HOXC4: variants seen among roughly 807,000 people sequenced by gnomAD.
The protein encoded by HOXC4 is homeobox C4.
In HOXC4, 15 loss-of-function variants were observed where a neutral mutation model predicts 25.5. The observed-to-expected ratio is 0.59, with a 90% CI of 0.39 to 0.91. The LOEUF is 0.91. Among genes scored for constraint, HOXC4 ranks in the 40% least tolerant of loss-of-function variants. HOXC4 has a pLI of 0.00. For missense variants in HOXC4, 342 were observed against 352.4 expected (o/e 0.97, Z 0.24); for synonymous variants, 165 against 148.0 (o/e 1.11, Z -0.83).
upstream of HOXC4, chr12:54,053,736 A>C: frequency 2.3e-6 from 1 of 443,654 alleles, no homozygotes; most frequent in Non-Finnish European, 4.1e-6. Flanking sequence ...CACCACACAC[A>C]CAAAAAAATT....
In HOXC4 at chr12:54,054,941, C is replaced by T; in HGVS notation, c.531C>T (p.Tyr177=). Residue 177 remains tyrosine, a synonymous_variant, in exon 2 of 2, where the codon TAC becomes TAT. Transcript: ENST00000430889. ...QVLELEKEFH[Y]NRYLTRRRRI... ...TGGAATTAGAGAAAGAGTTTCATTA[C>T]AACCGCTACCTGACCCGAAGGAGAA... 6.2e-7 allele frequency: 1 copy of T among 1,614,094 alleles called. No individual in the cohort carries two copies. Among genetic ancestry groups the T allele is most frequent in the South Asian group, 1.1e-5 (1 of 91,078 alleles).
rs544108362 is a variant in HOXC4, at chr12:54,021,313, C to T, written c.-124+3899C>T. ...TTACTGGATGAACTGCGTTTTAATC[C>T]TCGTCGCTATCTGAGCCAGGACAAG... On this transcript the variant is annotated intron_variant, in intron 1 of 3. Coordinates refer to the HOXC4 transcript ENST00000303406. The T allele has an allele frequency of 3.3e-5, 5 of 152,308 alleles. No homozygotes were observed. The East Asian group carries it at 7.7e-4, about 24-fold the overall frequency. The allele number at this position is 152,308 out of a possible 1,614,324, so 9.4% of individuals were successfully genotyped here.
intron 1 of HOXC4, among the ~76,000 whole-genome samples, chr12:54,018,010 G>A (rs900094291): frequency 2.0e-5 from 3 of 152,214 alleles, no homozygotes; most frequent in Non-Finnish European, 2.9e-5. Context: ...GGCGGCCGGC[G>A]GGGCCTGTTA....
chr12:54,053,700 C>A (rs1217072886), upstream of HOXC4, among the ~76,000 whole-genome samples: 1 of 152,024 alleles, frequency 6.6e-6, no homozygotes, highest in Non-Finnish European at 1.5e-5. Context: ...ACATCACCAC[C>A]CACCCCCGCC....
At chr12:54,036,266 C>T (rs1427674045) in intron 1 of HOXC4, among the ~76,000 whole-genome samples, 1 of 152,106 alleles carries the variant, frequency 6.6e-6, no homozygotes, top group Non-Finnish European at 1.5e-5. Flanking sequence ...TTTCCTCTCC[C>T]ACCTCCCACA....
rs772799117 is a variant in HOXC4 at position 54,034,466 on chromosome 12, A to G, written c.-124+17052A>G. 1.9e-6 allele frequency: 3 copies of G among 1,614,204 alleles called. No individual in the cohort carries two copies. In the South Asian group the frequency reaches 3.3e-5, roughly 18 times the overall value. On this transcript the variant is annotated intron_variant, in intron 1 of 3. Transcript: ENST00000303406. ...CAGGATGAAGTGGAAGAAAGATTCCAAAATGAAAAGCAAAGAGGCTCTTTA... is the reference window on the plus strand; with the variant it reads ...CAGGATGAAGTGGAAGAAAGATTCCGAAATGAAAAGCAAAGAGGCTCTTTA...
chr12:54,036,125 G>A (rs1941180163), intron 1 of HOXC4, among the ~76,000 whole-genome samples: 1 of 152,164 alleles, frequency 6.6e-6, no homozygotes, highest in Non-Finnish European at 1.5e-5. Flanking sequence ...TAAAAGTGGG[G>A]GTGGGAGGAG....
chr12:54,048,858 C>A (rs1937780122), upstream of HOXC4, among the ~76,000 whole-genome samples: 1 of 152,190 alleles, frequency 6.6e-6, no homozygotes, highest in South Asian at 2.1e-4. Flanking sequence ...ATTTCTAGAT[C>A]TTTTCAAGCC....
At chr12:54,019,110 A>C (rs572480978) in intron 1 of HOXC4, among the ~76,000 whole-genome samples, 2 of 98,142 alleles carry the variant, frequency 2.0e-5, no homozygotes, top group South Asian at 7.3e-4. Context: ...CCCCTTTCGC[A>C]GCCATCATAA....
At chr12:54,025,114 G>A (rs1442369882) in intron 1 of HOXC4, among the ~76,000 whole-genome samples, 3 of 152,272 alleles carry the variant, frequency 2.0e-5, no homozygotes, top group South Asian at 2.1e-4. Context: ...GGGGGGTAGT[G>A]TTCTCTGATT....
At chr12:54,046,468 A>T (rs539941075) in intron 1 of HOXC4, among the ~76,000 whole-genome samples, 1 of 152,132 alleles carries the variant, frequency 6.6e-6, no homozygotes, top group Non-Finnish European at 1.5e-5. Flanking sequence ...GGTTGTGGCC[A>T]ACTCAAGTGT....
At chr12:54,035,371 G>C (rs964748781) in intron 1 of HOXC4, 2 of 152,762 alleles carry the variant, frequency 1.3e-5, no homozygotes, top group African/African-American at 4.8e-5. Context: ...AGATGCAGTG[G>C]CTCCTGTCTG....
chr12:54,028,851 G>A, intron 1 of HOXC4: 2 of 1,614,112 alleles, frequency 1.2e-6, no homozygotes, highest in Non-Finnish European at 1.7e-6. Context: ...AGCAGGGCAG[G>A]ACTGCGCCCC....
chr12:54,054,126 C>T lies in HOXC4; in HGVS notation c.204C>T (p.Ser68=). ...PRPSYPERQY[S]CTSLQGPGNS... Reference sequence around the variant, plus strand: ...CTAGCTACCCTGAGCGCCAGTATAGCTGCACCAGTCTCCAGGGGCCCGGCA... The same window carrying T: ...CTAGCTACCCTGAGCGCCAGTATAGTTGCACCAGTCTCCAGGGGCCCGGCA... The change falls in exon 1 of 2, where the codon AGC becomes AGT. Residue 68 remains serine (S), a synonymous_variant. Transcript: ENST00000430889. 1 of 1,614,208 alleles carries T rather than the reference C, an allele frequency of 6.2e-7. No homozygotes were observed.
intron 1 of HOXC4, among the ~76,000 whole-genome samples, chr12:54,044,725 T>TTTTGTG (rs1555186635): frequency 5.4e-5 from 8 of 146,938 alleles, no homozygotes; most frequent in Non-Finnish European, 8.9e-5. Context: ...GTGTGTGTGT[T>TTTTGTG]TGTGTGTGTG....
intron 1 of HOXC4, among the ~76,000 whole-genome samples, chr12:54,048,486 C>G (rs1292605809): frequency 6.6e-6 from 1 of 152,178 alleles, no homozygotes; most frequent in African/African-American, 2.4e-5. Flanking sequence ...TTGGCTCTCT[C>G]CAGTTTACTA....
intron 1 of HOXC4, among the ~76,000 whole-genome samples, chr12:54,037,625 C>G (rs1030739399): frequency 6.6e-6 from 1 of 152,234 alleles, no homozygotes; most frequent in African/African-American, 2.4e-5. Flanking sequence ...CCTCTCCCCC[C>G]TCTCCACCCT....
intron 1 of HOXC4, among the ~76,000 whole-genome samples, chr12:54,025,329 A>G (rs1940642825): frequency 6.6e-6 from 1 of 152,188 alleles, no homozygotes; most frequent in African/African-American, 2.4e-5. Context: ...TTCCCCCTAT[A>G]GACAGCCATT....
In HOXC4 at chr12:54,029,877, G is replaced by A; in HGVS notation, c.-124+12463G>A. ...TCTAATCTCACATCCACTCTCTCGGGGGGCGGCGGAGGGGCCACCGCCGAC... is the reference window on the plus strand; with the variant it reads ...TCTAATCTCACATCCACTCTCTCGGAGGGCGGCGGAGGGGCCACCGCCGAC... On this transcript the variant is annotated intron_variant, in intron 1 of 3. Transcript: ENST00000303406. 4 of 1,591,914 alleles carry A rather than the reference G, an allele frequency of 2.5e-6. 1 individual carries two copies. Among genetic ancestry groups the A allele is most frequent in the Non-Finnish European group, 3.4e-6 (4 of 1,170,472 alleles).
Sources: gnomAD v4.1 joint callset for allele counts (sites outside exome capture counted in the v4.1 genomes callset) on GRCh38, gnomAD v4.1.1 for gene constraint, MANE v1.5 for transcripts, NCBI Gene and HGNC (gene_info 2026-07-23, HGNC 2026-07-21) for gene names.